Variants in GRID1 observed in about 807,000 individuals in gnomAD.
GRID1 encodes glutamate receptor ionotropic, delta-1.
In GRID1, 28 loss-of-function variants were observed where a neutral mutation model predicts 98.0. The observed-to-expected ratio is 0.29, with a 90% CI of 0.21 to 0.39. The LOEUF (loss-of-function observed/expected upper bound fraction) is 0.39, where lower values mean the gene tolerates loss of function less well. Ranked by LOEUF, GRID1 falls within the 10% of genes least tolerant of loss-of-function variation. The probability of loss-of-function intolerance (pLI) is 1.00; values close to 1 mark genes in which losing one functional copy is unlikely to be tolerated. For missense variants in GRID1, 1,111 were observed against 1,340.5 expected, an observed-to-expected ratio of 0.83 and a Z score of 2.67; for synonymous variants, 553 against 538.5, an observed-to-expected ratio of 1.03 and a Z score of -0.37.
chr10:85,921,470 G>A (rs1163790436), intron 4 of GRID1, among the ~76,000 whole-genome samples: 1 of 152,216 alleles, frequency 6.6e-6, no homozygotes, highest in South Asian at 2.1e-4. Flanking sequence ...ACACCAACAG[G>A]CCATTCTGCA....
intron 12 of GRID1, among the ~76,000 whole-genome samples, chr10:85,672,940 T>A (rs913279236): frequency 6.6e-6 from 1 of 152,232 alleles, no homozygotes; most frequent in Non-Finnish European, 1.5e-5. Flanking sequence ...TTCTGATGGA[T>A]CTGGGCAAAG....
intron 4 of GRID1, among the ~76,000 whole-genome samples, chr10:86,084,958 G>C (rs1380337169): frequency 6.6e-6 from 1 of 152,198 alleles, no homozygotes; most frequent in Non-Finnish European, 1.5e-5. Flanking sequence ...GGATGGTGGT[G>C]ATGGTTGCAC....
chr10:86,301,978 T>G (rs1005448021), intron 2 of GRID1, among the ~76,000 whole-genome samples: 2 of 152,216 alleles, frequency 1.3e-5, no homozygotes, highest in Admixed American at 6.5e-5. Flanking sequence ...GACACAGCCA[T>G]GATTTGCTGC....
At chr10:85,603,285 T>G (rs957974969) in intron 15 of GRID1, among the ~76,000 whole-genome samples, 1 of 152,144 alleles carries the variant, frequency 6.6e-6, no homozygotes, top group African/African-American at 2.4e-5. Context: ...GTCCTCCCTG[T>G]GCAATCTCTT....
chr10:86,266,754 C>T (rs183232901), intron 2 of GRID1, among the ~76,000 whole-genome samples: 1 of 152,244 alleles, frequency 6.6e-6, no homozygotes, highest in Non-Finnish European at 1.5e-5. Flanking sequence ...CTTAGGAAAC[C>T]CTCTTGGTCC....
At chr10:86,216,695 A>G (rs1846181872) in intron 2 of GRID1, among the ~76,000 whole-genome samples, 1 of 152,190 alleles carries the variant, frequency 6.6e-6, no homozygotes, top group South Asian at 2.1e-4. Flanking sequence ...GAAGGGAGAG[A>G]CAAGCAGCCA....
intron 4 of GRID1, among the ~76,000 whole-genome samples, chr10:86,062,314 G>A (rs987981212): frequency 2.0e-5 from 3 of 151,984 alleles, no homozygotes; most frequent in Non-Finnish European, 4.4e-5. Context: ...TGAGGGTGAG[G>A]GTATGATGGC....
intron 2 of GRID1, among the ~76,000 whole-genome samples, chr10:86,333,969 A>G (rs1022020680): frequency 1.3e-5 from 2 of 152,230 alleles, no homozygotes; most frequent in Non-Finnish European, 1.5e-5. Context: ...GAATAAATGA[A>G]TCAACCCACT....
At chr10:85,668,153 T>A (rs1463859606) in intron 12 of GRID1, among the ~76,000 whole-genome samples, 4 of 152,212 alleles carry the variant, frequency 2.6e-5, no homozygotes, top group Non-Finnish European at 4.4e-5. Flanking sequence ...CTGGGGATGC[T>A]TCCACAGGGA....
rs1014623428 is a variant in GRID1 at position 86,189,500 on chromosome 10, C to T, written c.520+16864G>A. On this transcript the variant is annotated intron_variant, in intron 3 of 15. Transcript: ENST00000327946. ...TTCCCCAGCATCCCTACCCTCTACA[C>T]ACACACACACACGCACACACACACA... 9.2e-5 allele frequency among the ~76,000 whole-genome samples: 14 copies of T among 152,094 alleles called. 1 individual carries two copies. The highest frequency in any genetic ancestry group is 3.4e-3 in the Middle Eastern group (1 of 294).
intron 2 of GRID1, among the ~76,000 whole-genome samples, chr10:86,254,788 G>A (rs1846892277): frequency 6.6e-6 from 1 of 152,248 alleles, no homozygotes; most frequent in African/African-American, 2.4e-5. Flanking sequence ...CTGGACCACA[G>A]AAATGCCTAG....
chr10:86,093,636 TCTTAG>T (rs1844179311), intron 4 of GRID1, among the ~76,000 whole-genome samples: 2 of 152,126 alleles, frequency 1.3e-5, no homozygotes, highest in South Asian at 4.2e-4. Flanking sequence ...AATACAACCA[TCTTAG>T]CTTAAACCAG....
At chr10:86,322,721 T>G (rs868302079) in intron 2 of GRID1, among the ~76,000 whole-genome samples, 1 of 151,014 alleles carries the variant, frequency 6.6e-6, no homozygotes, top group Non-Finnish European at 1.5e-5. Flanking sequence ...TTGAATTATT[T>G]TTTTTTAAAT....
rs1039051794 is a variant in GRID1 at position 85,856,183 on chromosome 10, T to C, written c.959A>G (p.Asn320Ser). 1.4e-5 allele frequency: 22 copies of C among 1,613,776 alleles called. 1 individual carries two copies. Among genetic ancestry groups the C allele is most frequent in the South Asian group, 8.8e-5 (8 of 91,060 alleles). The change falls in exon 7 of 16, where the codon AAC (asparagine) becomes AGC (serine). Residue 320 changes from asparagine to serine, a missense_variant. Physicochemically the swap from Asn to Ser is conservative, Grantham distance 46. Around this residue, in one of 3 missense-constraint regions of GRID1, gnomAD observed 346 missense variants for 452.3 expected, o/e 0.76. Coordinates refer to ENST00000327946, the MANE Select transcript of GRID1 (RefSeq NM_017551.3). ...CAGAACACTGTCATACAGATAGAGG[T>C]TGGAGATCTGCAAAGACAGAGGCAG... is the stretch of plus-strand genomic sequence containing the variant. ...EGYLQMLQIS[N>S]LYLYDSVLML...
intron 3 of GRID1, among the ~76,000 whole-genome samples, chr10:86,185,848 T>G (rs765587222): frequency 1.3e-5 from 2 of 152,216 alleles, no homozygotes; most frequent in Non-Finnish European, 2.9e-5. Context: ...TTGTTACTAA[T>G]CTTTTGTTGA....
At chr10:85,836,448 G>T (rs1842912281) in intron 8 of GRID1, among the ~76,000 whole-genome samples, 1 of 152,112 alleles carries the variant, frequency 6.6e-6, no homozygotes, top group African/African-American at 2.4e-5. Context: ...ATTCATTTTT[G>T]ACCTACAACA....
At chr10:85,878,256 G>C (rs1330787768) in intron 5 of GRID1, among the ~76,000 whole-genome samples, 1 of 151,978 alleles carries the variant, frequency 6.6e-6, no homozygotes, top group African/African-American at 2.4e-5. Flanking sequence ...TTCAGATTCA[G>C]GAAATACAGA....
At chr10:85,907,020 T>G (rs1273419846) in intron 5 of GRID1, among the ~76,000 whole-genome samples, 1 of 152,216 alleles carries the variant, frequency 6.6e-6, no homozygotes, top group Non-Finnish European at 1.5e-5. Flanking sequence ...ATGAATATTA[T>G]ATATGAGAAA....
chr10:85,728,261 A>G (rs1180387632), intron 9 of GRID1, among the ~76,000 whole-genome samples: 1 of 152,224 alleles, frequency 6.6e-6, no homozygotes, highest in Non-Finnish European at 1.5e-5. Context: ...CAGTAGGTCC[A>G]TACAGAGGAG....
Sources: allele counts gnomAD v4.1 joint callset (sites outside exome capture counted in the v4.1 genomes callset), GRCh38; gene constraint gnomAD v4.1.1; regional missense constraint gnomAD v4.1.1; transcripts MANE v1.5; gene names NCBI Gene and HGNC (gene_info 2026-07-23, HGNC 2026-07-21).